DNAH5: variants seen among roughly 807,000 people sequenced by gnomAD.
The protein encoded by DNAH5 is axonemal beta dynein heavy chain 5.
Under a neutral mutation model 518.2 loss-of-function variants are expected in DNAH5, and 372 were observed. The observed-to-expected ratio is 0.72, with a 90% CI of 0.66 to 0.78. The LOEUF is 0.78. DNAH5 is among the 30% of genes least tolerant of loss of function. DNAH5 has a pLI of 0.00. For synonymous variants in DNAH5, 2,039 were observed against 2,025.9 expected (o/e 1.01, Z -0.17); for missense variants, 5,523 against 5,687.0 (o/e 0.97, Z 0.93).
intron 31 of DNAH5, 73 bp from the exon 32 acceptor site, chr5:13,845,066 A>G: frequency 7.0e-7 from 1 of 1,432,588 alleles, no homozygotes; most frequent in Non-Finnish European, 9.8e-7. Context: ...ATTAACCTGG[A>G]TGGGAAAAGG....
chr5:13,923,259 A>T, intron 4 of DNAH5, 21 bp downstream of exon 4: 1 of 1,614,126 alleles, frequency 6.2e-7, no homozygotes, highest in South Asian at 1.1e-5. Context: ...TTCAGAGTAA[A>T]CAATGGCTCT....
rs573712461 is a variant in DNAH5, at chr5:13,717,234, C to T, written c.12705+81G>A. 241 of 1,296,632 alleles carry T rather than the reference C, an allele frequency of 1.9e-4. 3 individuals carry two copies. Among genetic ancestry groups the T allele is most frequent in the African/African-American group, 1.2e-3 (82 of 68,246 alleles). 80.3% of individuals were successfully genotyped at this position (1,296,632 alleles called of 1,614,324 possible). On this transcript the variant is annotated intron_variant, in intron 73 of 78. Transcript: ENST00000265104. ...ACAGCAAATTCTCTTATATAATTTACGCCAAAGCTAGGAGGTCCCGTGAGC... is the reference window on the plus strand; with the variant it reads ...ACAGCAAATTCTCTTATATAATTTATGCCAAAGCTAGGAGGTCCCGTGAGC...
chr5:13,782,498 T>C (rs1755325904), intron 52 of DNAH5, among the ~76,000 whole-genome samples: 1 of 152,062 alleles, frequency 6.6e-6, no homozygotes, highest in Admixed American at 6.6e-5. Flanking sequence ...TCATTGTGGG[T>C]GGAGGTGGTC....
intron 3 of DNAH5, 41 bp from the exon 4 acceptor site, chr5:13,923,481 G>C: frequency 6.2e-7 from 1 of 1,610,428 alleles, no homozygotes. Flanking sequence ...AATGCTTTTT[G>C]CAGTCCATGT....
At chr5:14,004,913 C>A (rs1377662238) in intron 1 of DNAH5, among the ~76,000 whole-genome samples, 1 of 152,024 alleles carries the variant, frequency 6.6e-6, no homozygotes, top group African/African-American at 2.4e-5. Flanking sequence ...CACCTCCTAA[C>A]TTGTCTCTCC....
At chr5:13,711,111 A>C (rs1247147952) in intron 75 of DNAH5, among the ~76,000 whole-genome samples, 1 of 152,200 alleles carries the variant, frequency 6.6e-6, no homozygotes, top group African/African-American at 2.4e-5. Context: ...AGATGCTAAA[A>C]TCCTTAACAA....
chr5:13,975,807 A>G (rs2152061545), intron 1 of DNAH5, among the ~76,000 whole-genome samples: 1 of 152,298 alleles, frequency 6.6e-6, no homozygotes, highest in Non-Finnish European at 1.5e-5. Context: ...CTGTGCAGCT[A>G]TCTTGCATTT....
In DNAH5 at chr5:13,823,323, A is replaced by G. The variant is rs1397984119; in HGVS notation, c.6627T>C (p.Phe2209=). 1.9e-6 allele frequency: 3 copies of G among 1,614,112 alleles called. No individual in the cohort carries two copies. The highest frequency in any genetic ancestry group is 1.7e-6 in the Non-Finnish European group (2 of 1,179,980). The change falls in exon 40 of 79, where the codon TTT becomes TTC. Residue 2209 remains phenylalanine, a synonymous_variant. Coordinates refer to ENST00000265104, the MANE Select transcript of DNAH5 (RefSeq NM_001369.3). Reference sequence around the variant, plus strand: ...CTGCCTTGTCCAGAAGAATATTTGGAAAGAGATCTTCAATCAAACTCAAAA... The same window carrying G: ...CTGCCTTGTCCAGAAGAATATTTGGGAAGAGATCTTCAATCAAACTCAAAA... ...PLFLSLIEDL[F]PNILLDKAGY...
At chr5:13,840,805 T>C (rs1333684291) in intron 34 of DNAH5, 101 bp downstream of exon 34, 7 of 974,298 alleles carry the variant, frequency 7.2e-6, no homozygotes, top group Non-Finnish European at 7.9e-6. Flanking sequence ...CAGAATTTAA[T>C]TTTTTCCTTG....
intron 40 of DNAH5, among the ~76,000 whole-genome samples, chr5:13,823,055 A>T (rs1375291642): frequency 6.6e-6 from 1 of 152,220 alleles, no homozygotes; most frequent in Non-Finnish European, 1.5e-5. Context: ...CTAGCTGGAC[A>T]TGTGGCTGTG....
chr5:13,828,305 T>G (rs1363357842), intron 38 of DNAH5, among the ~76,000 whole-genome samples: 2 of 152,246 alleles, frequency 1.3e-5, no homozygotes. Flanking sequence ...GCCTAAGTGA[T>G]AAGATGGAAC....
intron 1 of DNAH5, among the ~76,000 whole-genome samples, chr5:13,956,949 T>A (rs1229882512): frequency 6.6e-6 from 1 of 152,204 alleles, no homozygotes; most frequent in East Asian, 1.9e-4. Context: ...GGATGTCAAA[T>A]TGGCAAAGTT....
At chr5:13,951,453 C>T (rs1780404436) in intron 1 of DNAH5, among the ~76,000 whole-genome samples, 2 of 152,096 alleles carry the variant, frequency 1.3e-5, no homozygotes, top group African/African-American at 2.4e-5. Flanking sequence ...CTCCTGGACT[C>T]GAGCAATCCT....
chr5:13,745,405 C>T (rs1225976872), intron 65 of DNAH5, among the ~76,000 whole-genome samples: 2 of 152,066 alleles, frequency 1.3e-5, no homozygotes, highest in African/African-American at 2.4e-5. Context: ...TTTTGAAGCA[C>T]ACAGAAAGTA....
At position 13,842,441 on chromosome 5, in the gene DNAH5, A is replaced by AAGAGAGAGAGAGAGAGAGAGAGAG. The variant is rs1177610939; in HGVS notation, c.5272-538_5272-537insCTCTCTCTCTCTCTCTCTCTCTCT. ...AGAAAAGAAAAGAAAGAAAGAAAGAAAGAAAGAAAGAAAGAAAGAAAGAAA... is the reference window on the plus strand; with the variant it reads ...AGAAAAGAAAAGAAAGAAAGAAAGAAAGAGAGAGAGAGAGAGAGAGAGAGAGAAAGAAAGAAAGAAAGAAAGAAA... On this transcript the variant is annotated intron_variant, in intron 32 of 78. Coordinates refer to ENST00000265104, the MANE Select transcript of DNAH5 (RefSeq NM_001369.3). Among the ~76,000 whole-genome samples the AAGAGAGAGAGAGAGAGAGAGAGAG allele has an allele frequency of 9.9e-4, 101 of 102,148 alleles. 5 individuals carry two copies. The highest frequency in any genetic ancestry group is 3.9e-3 in the African/African-American group (91 of 23,282). 67.0% of individuals were successfully genotyped at this position (102,148 alleles called of 152,430 possible). A position where few individuals can be genotyped will look rare whatever the true frequency, so the allele number is the denominator to read the frequency against.
chr5:13,727,601 T>TC lies in DNAH5; in HGVS notation c.11938dup (p.Glu3980GlyfsTer9). 1 of 1,613,864 alleles carries TC rather than the reference T, an allele frequency of 6.2e-7. No individual in the cohort carries two copies. Among genetic ancestry groups the TC allele is most frequent in the Non-Finnish European group, 8.5e-7 (1 of 1,179,822 alleles). On this transcript the variant is annotated frameshift_variant, in exon 70 of 79. Coordinates refer to ENST00000265104, the MANE Select transcript of DNAH5 (RefSeq NM_001369.3). LOFTEE classifies it high-confidence loss of function. ...ATCATAGGCATTTGGAAGAGGTTCC[T>TC]CCTCCGGGTTTTCCTTATCAAACCA... is the stretch of plus-strand genomic sequence containing the variant.
At chr5:13,996,969 G>A (rs1433995441) in intron 1 of DNAH5, among the ~76,000 whole-genome samples, 2 of 152,184 alleles carry the variant, frequency 1.3e-5, no homozygotes, top group Non-Finnish European at 2.9e-5. Context: ...GCAGTTCTCT[G>A]CCCAGACTCC....
intron 1 of DNAH5, among the ~76,000 whole-genome samples, chr5:13,959,980 T>C (rs927301076): frequency 6.6e-6 from 1 of 151,830 alleles, no homozygotes; most frequent in Non-Finnish European, 1.5e-5. Context: ...AAAAAAAAGA[T>C]TCCTCATGAC....
chr5:13,870,873 A>C lies in DNAH5; in HGVS notation c.3728T>G (p.Leu1243Arg), dbSNP rs754164282. ...ATCTAGGTCCTTAATTGGACGATTTAGTTTCTTATTGAATTCTTCAATAAG... is the reference window on the plus strand; with the variant it reads ...ATCTAGGTCCTTAATTGGACGATTTCGTTTCTTATTGAATTCTTCAATAAG... Reference protein sequence around the residue: ...FMLIEEFNKKLNRPIKDLDDI... With the variant: ...FMLIEEFNKKRNRPIKDLDDI... The change falls in exon 24 of 79, where the codon CTA becomes CGA. Residue 1243 changes from leucine (L) to arginine (R), a missense_variant. By Grantham distance (102) the Leu-to-Arg change is moderately radical (BLOSUM62 -2). Coordinates refer to ENST00000265104, the MANE Select transcript of DNAH5 (RefSeq NM_001369.3). 1 of 1,613,866 alleles carries C rather than the reference A, an allele frequency of 6.2e-7. No individual in the cohort carries two copies. Among genetic ancestry groups the C allele is most frequent in the South Asian group, 1.1e-5 (1 of 91,082 alleles).
Sources: gnomAD v4.1 joint callset for allele counts (sites outside exome capture counted in the v4.1 genomes callset) on GRCh38, gnomAD v4.1.1 for gene constraint, MANE v1.5 for transcripts, NCBI Gene and HGNC (gene_info 2026-07-23, HGNC 2026-07-21) for gene names.